LRRC7: variants seen among roughly 807,000 people sequenced by gnomAD.
LRRC7 encodes the protein leucine rich repeat containing 7.
In LRRC7, 23 loss-of-function variants were observed where a neutral mutation model predicts 175.7. The ratio of observed to expected loss-of-function variants is 0.13; its 90% CI spans 0.09 to 0.19. The LOEUF is 0.19. Among genes scored for constraint, LRRC7 ranks in the 10% least tolerant of loss-of-function variants. The pLI is 1.00. For missense variants in LRRC7, 1,354 were observed against 1,904.7 expected (o/e 0.71, Z 5.38); for synonymous variants, 685 against 680.9 (o/e 1.01, Z -0.09).
At chr1:69,810,376 C>G (rs1284069552) in intron 4 of LRRC7, among the ~76,000 whole-genome samples, 4 of 151,974 alleles carry the variant, frequency 2.6e-5, no homozygotes, top group Non-Finnish European at 5.9e-5. Flanking sequence ...CAGTTCTATC[C>G]CCATCAAGTT....
chr1:69,599,163 A>G (rs572585086), intron 1 of LRRC7, among the ~76,000 whole-genome samples: 52 of 151,552 alleles, frequency 3.4e-4, no homozygotes, highest in African/African-American at 1.0e-3. Flanking sequence ...GCCAGATAGG[A>G]TAAGTAATAG....
intron 1 of LRRC7, 68 bp from the exon 2 acceptor site, chr1:69,678,313 C>T: frequency 8.9e-7 from 1 of 1,120,802 alleles, no homozygotes. Context: ...GAATTTTAGA[C>T]CATTTAACTT....
chr1:69,731,077 G>A lies in LRRC7; in HGVS notation c.101-29114G>A, dbSNP rs553868758. 1.2e-3 allele frequency among the ~76,000 whole-genome samples: 179 copies of A among 152,102 alleles called. 1 individual carries two copies. Among genetic ancestry groups the A allele is most frequent in the African/African-American group, 4.2e-3 (175 of 41,480 alleles). On this transcript the variant is annotated intron_variant, in intron 2 of 26. Transcript: ENST00000651989. Reference sequence around the variant, plus strand: ...AGCACCTTGGGAGGCTGAGGTGGGCGGATCATGAAGTCAGGAGATAGAGAC... The same window carrying A: ...AGCACCTTGGGAGGCTGAGGTGGGCAGATCATGAAGTCAGGAGATAGAGAC...
rs149091576 is a variant in LRRC7, at chr1:70,132,457, C to CTTTT, written c.*10593_*10596dup. ...TTTCTTTTTTCTTTTCTTTTCTTTT[C>CTTTT]TTTTTTTTTTTTTTTTTTTTTTTTT... On this transcript the variant is annotated 3_prime_UTR_variant, in exon 27 of 27. Coordinates refer to ENST00000651989, the MANE Select transcript of LRRC7 (RefSeq NM_001370785.2). Among the ~76,000 whole-genome samples, 41 of 76,454 alleles carry CTTTT rather than the reference C, an allele frequency of 5.4e-4. No individual in the cohort carries two copies. The highest frequency in any genetic ancestry group is 1.4e-3 in the African/African-American group (24 of 17,676). 50.2% of individuals were successfully genotyped at this position (76,454 alleles called of 152,430 possible).
intron 7 of LRRC7, among the ~76,000 whole-genome samples, chr1:69,861,195 G>T (rs1193854188): frequency 6.6e-6 from 1 of 151,896 alleles, no homozygotes; most frequent in African/African-American, 2.4e-5. Context: ...AAGTTGAAAA[G>T]GACTGCCATT....
intron 7 of LRRC7, among the ~76,000 whole-genome samples, chr1:69,902,602 G>A (rs1321689515): frequency 6.6e-6 from 1 of 151,968 alleles, no homozygotes; most frequent in Non-Finnish European, 1.5e-5. Flanking sequence ...TCAATTTTCA[G>A]AGACGTTATA....
In LRRC7 at chr1:70,038,784, G is replaced by A. The variant is rs1387436863; in HGVS notation, c.2960G>A (p.Ser987Asn). ...TCTAATAAATTCAAAAAGTCACAGA[G>A]TATCGATGAGATTGACATTGGTACA... ...IKSNKFKKSQ[S>N]IDEIDIGTYK... The change falls in exon 21 of 27, where the codon AGT becomes AAT. Residue 987 changes from serine (S) to asparagine (N), a missense_variant. By Grantham distance (46) the Ser-to-Asn change is conservative. This residue lies in a region of LRRC7 where 1,032 missense variants were observed against 1,227.2 expected (regional missense o/e 0.84). Transcript: ENST00000651989. The A allele has an allele frequency of 6.2e-7, 1 of 1,613,990 alleles. No individual in the cohort carries two copies.
chr1:69,726,078 G>C (rs1328032097), intron 2 of LRRC7, among the ~76,000 whole-genome samples: 2 of 152,136 alleles, frequency 1.3e-5, no homozygotes, highest in Non-Finnish European at 2.9e-5. Flanking sequence ...CATTTATCAA[G>C]TCATTTCAAT....
At chr1:69,717,761 A>G (rs1665548495) in intron 2 of LRRC7, among the ~76,000 whole-genome samples, 1 of 44,346 alleles carries the variant, frequency 2.3e-5, no homozygotes, top group East Asian at 5.1e-4. Context: ...GGAACATGAA[A>G]AAAAGAAAAA....
intron 23 of LRRC7, among the ~76,000 whole-genome samples, chr1:70,072,578 A>ACTG (rs6143270): frequency 0.03 from 4,546 of 150,694 alleles, 156 homozygotes; most frequent in African/African-American, 0.083. Context: ...GAGACAAAAA[A>ACTG]CTGCTGCTGC....
At chr1:69,688,791 C>T (rs1661501321) in intron 2 of LRRC7, among the ~76,000 whole-genome samples, 1 of 152,214 alleles carries the variant, frequency 6.6e-6, no homozygotes, top group South Asian at 2.1e-4. Context: ...TGTGCTGGAC[C>T]AATCACTTTC....
At chr1:69,918,786 T>C (rs1185289449) in intron 7 of LRRC7, among the ~76,000 whole-genome samples, 1 of 152,136 alleles carries the variant, frequency 6.6e-6, no homozygotes, top group East Asian at 1.9e-4. Context: ...TACGGTCATA[T>C]AAATAAAATG....
At position 70,125,778 on chromosome 1, in the gene LRRC7, C is replaced by A. The variant is rs1382300851; in HGVS notation, c.*3891C>A. 1.0e-5 allele frequency among the ~76,000 whole-genome samples: 1 copy of A among 95,404 alleles called. No homozygotes were observed. Among genetic ancestry groups the A allele is most frequent in the African/African-American group, 4.6e-5 (1 of 21,960 alleles). The allele number at this position is 95,404 out of a possible 152,430, so 62.6% of individuals were successfully genotyped here. ...CTGCACTCCAGCCTGGGCGACAGAG[C>A]GAGACTCCGTCTCAAAAAAAAAAAA... On this transcript the variant is annotated 3_prime_UTR_variant, in exon 27 of 27. Coordinates refer to ENST00000651989, the MANE Select transcript of LRRC7 (RefSeq NM_001370785.2).
intron 2 of LRRC7, among the ~76,000 whole-genome samples, chr1:69,720,894 A>T (rs1666273207): frequency 6.6e-6 from 1 of 151,830 alleles, no homozygotes; most frequent in Non-Finnish European, 1.5e-5. Flanking sequence ...TTTTAAGTGT[A>T]CAGTTCAGTG....
chr1:69,984,160 G>A (rs546907811), intron 9 of LRRC7, among the ~76,000 whole-genome samples: 4 of 152,174 alleles, frequency 2.6e-5, no homozygotes, highest in East Asian at 1.9e-4. Flanking sequence ...TCCTGATCTC[G>A]TGATCCGCCC....
chr1:69,861,565 A>G (rs1684357340), intron 7 of LRRC7, among the ~76,000 whole-genome samples: 1 of 152,206 alleles, frequency 6.6e-6, no homozygotes, highest in Admixed American at 6.6e-5. Flanking sequence ...AGCAGAAATC[A>G]GACCAAAAAG....
intron 22 of LRRC7, among the ~76,000 whole-genome samples, chr1:70,051,621 C>T (rs1387849721): frequency 6.6e-6 from 1 of 151,840 alleles, no homozygotes; most frequent in African/African-American, 2.4e-5. Context: ...CCAATTCATT[C>T]CTAACTCAGG....
intron 2 of LRRC7, among the ~76,000 whole-genome samples, chr1:69,730,013 T>C (rs560810658): frequency 6.6e-6 from 1 of 152,254 alleles, no homozygotes; most frequent in East Asian, 1.9e-4. Context: ...GGCTTGGAGG[T>C]TGCACTCTCT....
chr1:69,896,987 A>G (rs1645998101), intron 7 of LRRC7, among the ~76,000 whole-genome samples: 1 of 152,086 alleles, frequency 6.6e-6, no homozygotes, highest in Non-Finnish European at 1.5e-5. Context: ...TGATATTGAG[A>G]GATTTTCTTC....
Sources: gnomAD v4.1 joint callset for allele counts (sites outside exome capture counted in the v4.1 genomes callset) on GRCh38, gnomAD v4.1.1 for gene constraint, gnomAD v4.1.1 regional missense constraint, MANE v1.5 for transcripts, NCBI Gene and HGNC (gene_info 2026-07-23, HGNC 2026-07-21) for gene names.